The following R3HDM1 variants were observed in gnomAD, a reference collection of about 807,000 sequenced individuals.
R3HDM1 encodes the protein R3H domain-containing protein 1.
R3HDM1 carries 46 observed loss-of-function variants against 141.1 expected under a neutral mutation model. The observed-to-expected ratio is 0.33, with a 90% CI of 0.26 to 0.42. R3HDM1 has a LOEUF of 0.42. Ranked by LOEUF, R3HDM1 falls within the 10% of genes least tolerant of loss-of-function variation. The pLI is 1.00. For missense variants in R3HDM1, 1,184 were observed against 1,368.3 expected (o/e 0.87, Z 2.12); for synonymous variants, 435 against 472.9 (o/e 0.92, Z 1.04).
intron 21 of R3HDM1, among the ~76,000 whole-genome samples, chr2:135,692,420 C>A (rs965711174): frequency 3.3e-5 from 5 of 151,974 alleles, no homozygotes; most frequent in Non-Finnish European, 5.9e-5. Context: ...GCCAACAGGG[C>A]AAAACCCTAA....
At chr2:135,563,092 T>C (rs1384328307) in intron 1 of R3HDM1, among the ~76,000 whole-genome samples, 2 of 152,228 alleles carry the variant, frequency 1.3e-5, no homozygotes, top group South Asian at 2.1e-4. Context: ...TGTGAGTGTT[T>C]CGTTTCATTT....
Position 135,649,954 on chromosome 2 carries a change from C to A in R3HDM1, c.1676C>A (p.Pro559His), listed in dbSNP as rs1310242596. 3.1e-6 allele frequency: 4 copies of A among 1,296,940 alleles called. No homozygotes were observed. The South Asian group carries it at 3.8e-5, about 12-fold the overall frequency. The allele number at this position is 1,296,940 out of a possible 1,614,324, so 80.3% of individuals were successfully genotyped here. A position where few individuals can be genotyped will look rare whatever the true frequency, so the allele number is the denominator to read the frequency against. ...SSQPVQYSTA[P>H]YPSPFLPVSP... ...CAGCCTGTTCAGTACTCTACAGCCC[C>A]TTACCCATCCCCGTTCCTGCCAGTC... is the stretch of plus-strand genomic sequence containing the variant. The change falls in exon 17 of 27, where the codon CCT (proline) becomes CAT (histidine). Residue 559 changes from proline to histidine, a missense_variant. By Grantham distance (77) the Pro-to-His change is moderately conservative (BLOSUM62 -2). Transcript: ENST00000683871.
At chr2:135,593,617 C>A (rs372308246) in intron 1 of R3HDM1, among the ~76,000 whole-genome samples, 1 of 152,160 alleles carries the variant, frequency 6.6e-6, no homozygotes, top group Admixed American at 6.5e-5. Context: ...TAGTGTTTGC[C>A]ACGAATTAGC....
chr2:135,542,715 A>G (rs1163690987), intron 1 of R3HDM1, among the ~76,000 whole-genome samples: 3 of 152,208 alleles, frequency 2.0e-5, no homozygotes, highest in African/African-American at 4.8e-5. Flanking sequence ...GGAAGAGGGT[A>G]ATGTAAATGC....
chr2:135,573,997 AC>A (rs1050376281), intron 1 of R3HDM1, among the ~76,000 whole-genome samples: 6 of 152,188 alleles, frequency 3.9e-5, no homozygotes, highest in African/African-American at 1.4e-4. Flanking sequence ...TAAAGAGCAT[AC>A]CCAGAAGGAA....
At chr2:135,655,725 A>C (rs1209015934) in intron 18 of R3HDM1, among the ~76,000 whole-genome samples, 2 of 151,500 alleles carry the variant, frequency 1.3e-5, no homozygotes, top group Non-Finnish European at 1.5e-5. Context: ...CGATCTCCTG[A>C]CCTCGTGATC....
intron 3 of R3HDM1, 183 bp downstream of exon 3, chr2:135,605,199 A>G (rs1281268795): frequency 2.1e-6 from 1 of 474,964 alleles, no homozygotes; most frequent in Non-Finnish European, 3.7e-6. Context: ...GGCTTGTATC[A>G]TGTAATATAC....
At chr2:135,708,938 G>A (rs1301396198) in intron 21 of R3HDM1, among the ~76,000 whole-genome samples, 2 of 127,040 alleles carry the variant, frequency 1.6e-5, no homozygotes, top group Non-Finnish European at 3.2e-5. Flanking sequence ...CAGCCTGGGT[G>A]ACAGGGCAGA....
chr2:135,665,858 A>G (rs1349536385), intron 19 of R3HDM1, among the ~76,000 whole-genome samples: 1 of 152,172 alleles, frequency 6.6e-6, no homozygotes, highest in Admixed American at 6.5e-5. Context: ...CGGACCTAAT[A>G]CACCTAAATG....
chr2:135,550,984 C>T (rs1418284595), intron 1 of R3HDM1, among the ~76,000 whole-genome samples: 1 of 152,144 alleles, frequency 6.6e-6, no homozygotes, highest in South Asian at 2.1e-4. Flanking sequence ...CTTAGAAGAC[C>T]TTCTGTCTTG....
intron 1 of R3HDM1, among the ~76,000 whole-genome samples, chr2:135,556,489 T>C (rs1355594406): frequency 6.6e-6 from 1 of 152,114 alleles, no homozygotes; most frequent in Non-Finnish European, 1.5e-5. Flanking sequence ...TAGCAGTTGA[T>C]TGATCATTTA....
intron 1 of R3HDM1, chr2:135,549,831 G>A (rs1005052213): frequency 2.6e-6 from 1 of 386,178 alleles, no homozygotes; most frequent in Non-Finnish European, 3.5e-6. Context: ...GACAAACATT[G>A]TGAATAGACT....
intron 14 of R3HDM1, among the ~76,000 whole-genome samples, chr2:135,639,960 G>A (rs1018082792): frequency 6.6e-6 from 1 of 152,068 alleles, no homozygotes; most frequent in Non-Finnish European, 1.5e-5. Flanking sequence ...TCAGCTGGGC[G>A]TAATAGCACG....
chr2:135,576,134 A>G (rs1242118906), intron 1 of R3HDM1, among the ~76,000 whole-genome samples: 1 of 152,218 alleles, frequency 6.6e-6, no homozygotes, highest in African/African-American at 2.4e-5. Context: ...TCAGTGGCTC[A>G]CATCTGTAAT....
chr2:135,581,758 A>C (rs962346113), intron 1 of R3HDM1, among the ~76,000 whole-genome samples: 1 of 152,178 alleles, frequency 6.6e-6, no homozygotes, highest in African/African-American at 2.4e-5. Flanking sequence ...ACTTTGAAGT[A>C]TCTCTCCACT....
Position 135,644,588 on chromosome 2 carries a change from G to C in R3HDM1, c.1475-791G>C, listed in dbSNP as rs150323077. Among the ~76,000 whole-genome samples, 214 of 152,258 alleles carry C rather than the reference G, an allele frequency of 1.4e-3. 1 individual carries two copies. Among genetic ancestry groups the C allele is most frequent in the African/African-American group, 4.8e-3 (198 of 41,552 alleles). Reference sequence around the variant, plus strand: ...GAAACATGAGCTATTAATTATTTTAGTTTTTCATCCAGTTCTAATTTTATT... The same window carrying C: ...GAAACATGAGCTATTAATTATTTTACTTTTTCATCCAGTTCTAATTTTATT... On this transcript the variant is annotated intron_variant, in intron 15 of 26. Transcript: ENST00000683871.
At chr2:135,536,883 G>A (rs141206624) in intron 1 of R3HDM1, 7 of 208,202 alleles carry the variant, frequency 3.4e-5, no homozygotes, top group East Asian at 1.9e-4. Context: ...TGTGAACTGC[G>A]CATGCAAGGG....
chr2:135,688,576 T>A (rs915643151), intron 21 of R3HDM1, among the ~76,000 whole-genome samples: 3 of 152,118 alleles, frequency 2.0e-5, no homozygotes, highest in African/African-American at 7.2e-5. Flanking sequence ...CCAAAGAAAT[T>A]CATGATCATG....
intron 4 of R3HDM1, 126 bp downstream of exon 4, chr2:135,616,319 T>C (rs2061013378): frequency 1.0e-6 from 1 of 988,646 alleles, no homozygotes; most frequent in Non-Finnish European, 1.5e-6. Context: ...AGAAAGCTTA[T>C]TTTGTTTTAT....
Sources: allele counts gnomAD v4.1 joint callset (sites outside exome capture counted in the v4.1 genomes callset), GRCh38; gene constraint gnomAD v4.1.1; transcripts MANE v1.5; gene names NCBI Gene and HGNC (gene_info 2026-07-23, HGNC 2026-07-21).